The following CENPM variants were observed in gnomAD, a reference collection of about 807,000 sequenced individuals.
CENPM encodes the protein interphase centromere complex protein 39.
In CENPM, 14 loss-of-function variants were observed where a neutral mutation model predicts 19.6. The ratio of observed to expected loss-of-function variants is 0.71; its 90% CI spans 0.47 to 1.11. The LOEUF (loss-of-function observed/expected upper bound fraction) is 1.11. Ranked by LOEUF, CENPM falls within the 50% of genes most tolerant of loss-of-function variation. The probability of loss-of-function intolerance (pLI) is 0.00; values close to 1 mark genes in which losing one functional copy is unlikely to be tolerated. For missense variants in CENPM, 239 were observed against 228.4 expected (o/e 1.05, Z -0.30); for synonymous variants, 114 against 101.5 (o/e 1.12, Z -0.74).
downstream of CENPM, among the ~76,000 whole-genome samples, chr22:41,938,368 T>C (rs1282414370): frequency 1.4e-5 from 2 of 143,890 alleles, no homozygotes; most frequent in African/African-American, 5.3e-5. Context: ...TCTCGCTTTT[T>C]TTTTTTTTTT....
chr22:41,939,909 C>G (rs1022511862), intron 5 of CENPM, among the ~76,000 whole-genome samples: 1 of 17,038 alleles, frequency 5.9e-5, no homozygotes, highest in South Asian at 3.0e-3. Context: ...AAAGAAAGAG[C>G]CTCCAGACCT....
rs554628963 is a variant in CENPM, at chr22:41,946,216, A to C, written c.137+201T>G. 1.1e-5 allele frequency: 7 copies of C among 648,540 alleles called. No individual in the cohort carries two copies. The South Asian group carries it at 1.1e-4, about 10-fold the overall frequency. 40.2% of individuals were successfully genotyped at this position (648,540 alleles called of 1,614,324 possible). ...TTACTCCTGTCTGATTCCCTCTGCCAGAAACGGGCTCTGTTTAGTCACCAC... is the reference window on the plus strand; with the variant it reads ...TTACTCCTGTCTGATTCCCTCTGCCCGAAACGGGCTCTGTTTAGTCACCAC... On this transcript the variant is annotated intron_variant, in intron 2 of 5. Transcript: ENST00000215980.
chr22:41,932,565 C>T, the CENPM span, among the ~76,000 whole-genome samples: 16 of 152,360 alleles, frequency 1.1e-4, no homozygotes, highest in East Asian at 9.6e-4. This position sits in a 1 kb window ranked among gnomAD's most constrained non-coding sequence, Gnocchi z 4.3. Context: ...CGCACACACG[C>T]GCGCTCCTGC....
intron 3 of CENPM, 128 bp downstream of exon 3, chr22:41,945,785 C>T (rs1386488439): frequency 4.3e-6 from 3 of 698,954 alleles, no homozygotes; most frequent in African/African-American, 1.8e-5. Context: ...TCTCTCCTCA[C>T]CTTACAGATT....
At chr22:41,943,584 T>C (rs541892603) in intron 5 of CENPM, 26 bp downstream of exon 5, 15 of 1,600,924 alleles carry the variant, frequency 9.4e-6, no homozygotes, top group South Asian at 6.7e-5. Flanking sequence ...GAGTATAGTG[T>C]TGGTCTCTGT....
downstream of CENPM, among the ~76,000 whole-genome samples, chr22:41,936,401 G>A (rs1460113051): frequency 6.6e-6 from 1 of 152,206 alleles, no homozygotes; most frequent in Non-Finnish European, 1.5e-5. Flanking sequence ...GTGGGGCCTC[G>A]ACCGGAATCT....
At chr22:41,944,487 T>TG (rs966967615) in intron 4 of CENPM, 1 of 197,610 alleles carries the variant, frequency 5.1e-6, no homozygotes, top group African/African-American at 2.5e-5. Context: ...CTTACCTAGG[T>TG]GTAAACCTTG....
intron 1 of CENPM, 36 bp from the exon 2 acceptor site, chr22:41,946,532 G>A: frequency 6.3e-7 from 1 of 1,580,550 alleles, no homozygotes; most frequent in Non-Finnish European, 8.7e-7. Flanking sequence ...TCGAGCCCTA[G>A]GCACAGCACC....
At chr22:41,929,782 T>C in the CENPM span, among the ~76,000 whole-genome samples, 1 of 149,232 alleles carries the variant, frequency 6.7e-6, no homozygotes, top group Admixed American at 6.7e-5. Context: ...CACATGAACC[T>C]TTCCACTTGG....
intron 3 of CENPM, 32 bp from the exon 4 acceptor site, chr22:41,945,336 A>T: frequency 6.2e-7 from 1 of 1,613,618 alleles, no homozygotes; most frequent in Non-Finnish European, 8.5e-7. Flanking sequence ...GAGAAAACAA[A>T]CCAGAGAACA....
chr22:41,939,567 GA>G (rs1411892565), intron 5 of CENPM, among the ~76,000 whole-genome samples: 1 of 151,970 alleles, frequency 6.6e-6, no homozygotes, highest in East Asian at 1.9e-4. Flanking sequence ...TCGGGCCCCA[GA>G]TGCTCAAGAC....
At chr22:41,935,330 A>G (rs1045034684), downstream of CENPM, among the ~76,000 whole-genome samples, 14 of 152,068 alleles carry the variant, frequency 9.2e-5, no homozygotes, top group African/African-American at 3.1e-4. Flanking sequence ...GCCAGCAAAA[A>G]GTGACATCCC....
the CENPM span, among the ~76,000 whole-genome samples, chr22:41,932,325 G>A: frequency 6.6e-6 from 1 of 152,198 alleles, no homozygotes; most frequent in Non-Finnish European, 1.5e-5. The surrounding 1 kb of genome is among the most constrained non-coding windows in gnomAD (Gnocchi z 4.3). Flanking sequence ...CGTGGGCCTC[G>A]GTTCATTGGG....
chr22:41,946,632 A>T, intron 1 of CENPM, 136 bp from the exon 2 acceptor site: 1 of 718,966 alleles, frequency 1.4e-6, no homozygotes, highest in Admixed American at 2.6e-5. Context: ...CGAGAAGTGG[A>T]CCCCGCGAAG....
chr22:41,927,806 C>T, the CENPM span, among the ~76,000 whole-genome samples: 1 of 152,178 alleles, frequency 6.6e-6, no homozygotes, highest in Non-Finnish European at 1.5e-5. Context: ...AGCCTGACAT[C>T]AGACACTTGT....
chr22:41,942,652 G>T (rs2077752046), intron 5 of CENPM, among the ~76,000 whole-genome samples: 1 of 151,826 alleles, frequency 6.6e-6, no homozygotes, highest in Non-Finnish European at 1.5e-5. Context: ...TTGGGAGGCT[G>T]AGGCAGGAGA....
chr22:41,946,793 A>G (rs2077810628), intron 1 of CENPM: 3 of 605,636 alleles, frequency 5.0e-6, no homozygotes, highest in Non-Finnish European at 8.9e-6. Context: ...GGAACTCGCC[A>G]ATCAGAAGCT....
downstream of CENPM, among the ~76,000 whole-genome samples, chr22:41,937,803 C>G (rs2077690169): frequency 6.6e-6 from 1 of 152,162 alleles, no homozygotes; most frequent in Admixed American, 6.5e-5. Flanking sequence ...GATGTGGAGT[C>G]TGACTGGCAT....
Position 41,946,510 on chromosome 22 carries a change from G to C in CENPM, c.58-14C>G. 15 of 1,611,730 alleles carry C rather than the reference G, an allele frequency of 9.3e-6. No homozygotes were observed. The highest frequency in any genetic ancestry group is 1.2e-5 in the Non-Finnish European group (14 of 1,179,056). ...CGTGCCCACCAGCTGCGCAGGGAGA[G>C]AGAGCGGACAGTCGAGCCCTAGGCA... On this transcript the variant is annotated splice_polypyrimidine_tract_variant and intron_variant, in intron 1 of 5. Transcript: ENST00000215980.
Sources: gnomAD v4.1 joint callset for allele counts (sites outside exome capture counted in the v4.1 genomes callset) on GRCh38, gnomAD v4.1.1 for gene constraint, Gnocchi (gnomAD v3.1) non-coding constraint, MANE v1.5 for transcripts, NCBI Gene and HGNC (gene_info 2026-07-23, HGNC 2026-07-21) for gene names.